TNFRSF10B: variants seen among roughly 807,000 people sequenced by gnomAD.
TNFRSF10B encodes the protein TNF receptor superfamily member 10b, also known as tumor necrosis factor receptor superfamily member 10B.
TNFRSF10B carries 35 observed loss-of-function variants against 41.4 expected under a neutral mutation model. The observed-to-expected ratio is 0.85, with a 90% CI of 0.65 to 1.12. The LOEUF is 1.12. TNFRSF10B is among the 50% of genes most tolerant of loss of function. The probability of loss-of-function intolerance (pLI) is 0.00; values close to 1 mark genes in which losing one functional copy is unlikely to be tolerated. For synonymous variants in TNFRSF10B, 230 were observed against 215.5 expected (o/e 1.07, Z -0.59); for missense variants, 584 against 552.7 (o/e 1.06, Z -0.57).
chr8:23,046,862 G>T (rs554374637), intron 1 of TNFRSF10B, among the ~76,000 whole-genome samples: 2 of 152,138 alleles, frequency 1.3e-5, no homozygotes, highest in African/African-American at 4.8e-5. Flanking sequence ...GGAAAAAAAA[G>T]TCTCCACAAT....
At chr8:23,032,342 C>G (rs557911281) in intron 2 of TNFRSF10B, among the ~76,000 whole-genome samples, 103 of 152,296 alleles carry the variant, frequency 6.8e-4, no homozygotes, top group Non-Finnish European at 1.2e-3. Flanking sequence ...AATTAAAGCT[C>G]ACACCATCAG....
chr8:23,035,852 G>A (rs1450747628), intron 2 of TNFRSF10B, among the ~76,000 whole-genome samples: 3 of 152,146 alleles, frequency 2.0e-5, no homozygotes, highest in Non-Finnish European at 4.4e-5. Flanking sequence ...TATTTATCAA[G>A]TCACCTAAAA....
At chr8:23,030,509 T>C (rs1481513161) in intron 3 of TNFRSF10B, among the ~76,000 whole-genome samples, 3 of 151,950 alleles carry the variant, frequency 2.0e-5, no homozygotes, top group African/African-American at 7.3e-5. Context: ...ACGGGGTTTC[T>C]CATGTTGCCC....
rs2128810074 is a variant in TNFRSF10B at position 23,020,929 on chromosome 8, G to A, written c.*1742C>T. 2.2e-6 allele frequency: 1 copy of A among 454,084 alleles called. No individual in the cohort carries two copies. Among genetic ancestry groups the A allele is most frequent in the African/African-American group, 2.0e-5 (1 of 50,096 alleles). The allele number at this position is 454,084 out of a possible 1,614,324, so 28.1% of individuals were successfully genotyped here. ...AACGCGTGGGATGCCAGATGGAAGT[G>A]GGAGAGGATGGAAGTGCAAAGACCA... On this transcript the variant is annotated 3_prime_UTR_variant, in exon 9 of 9. Transcript: ENST00000276431.
chr8:23,021,434 A>G lies in TNFRSF10B; in HGVS notation c.*1237T>C, dbSNP rs749512892. On this transcript the variant is annotated 3_prime_UTR_variant, in exon 9 of 9. Coordinates refer to ENST00000276431, the MANE Select transcript of TNFRSF10B (RefSeq NM_003842.5). Reference sequence around the variant, plus strand: ...CAACCATTTCACACCATTCTCAAGCACCATCTACTCTTCCCCCTTGATGCC... The same window carrying G: ...CAACCATTTCACACCATTCTCAAGCGCCATCTACTCTTCCCCCTTGATGCC... The G allele has an allele frequency of 2.2e-6, 1 of 454,140 alleles. No individual in the cohort carries two copies. Among genetic ancestry groups the G allele is most frequent in the South Asian group, 1.6e-5 (1 of 64,478 alleles). 28.1% of individuals were successfully genotyped at this position (454,140 alleles called of 1,614,324 possible).
In TNFRSF10B at chr8:23,028,259, T is replaced by C. The variant is rs1340439159; in HGVS notation, c.748+72A>G. On this transcript the variant is annotated intron_variant, in intron 5 of 8. Coordinates refer to ENST00000276431, the MANE Select transcript of TNFRSF10B (RefSeq NM_003842.5). ...GACTTGGGGCAGGGGCAGGCGTTTC[T>C]GTCTGTGGGAATAGGGTGGGAGGGG... 1.9e-6 allele frequency: 3 copies of C among 1,606,648 alleles called. No homozygotes were observed. In the East Asian group the frequency reaches 6.7e-5, roughly 36 times the overall value.
rs902022409 is a variant in TNFRSF10B, at chr8:23,022,057, G to A, written c.*614C>T. The A allele has an allele frequency of 2.7e-5, 12 of 444,086 alleles. No individual in the cohort carries two copies. The East Asian group carries it at 2.8e-4, about 10-fold the overall frequency. The allele number at this position is 444,086 out of a possible 1,614,324, so 27.5% of individuals were successfully genotyped here. A position where few individuals can be genotyped will look rare whatever the true frequency, so the allele number is the denominator to read the frequency against. ...GCAGACTGCTTGAGTCCAGGAATTC[G>A]AGACCACCCTGAGCAACATAGAGAG... On this transcript the variant is annotated 3_prime_UTR_variant, in exon 9 of 9. Transcript: ENST00000276431.
At chr8:23,024,624 A>G (rs937351906) in intron 7 of TNFRSF10B, among the ~76,000 whole-genome samples, 2 of 151,594 alleles carry the variant, frequency 1.3e-5, no homozygotes, top group Non-Finnish European at 2.9e-5. Context: ...GGTTCAAGAG[A>G]TTCTCCTGCC....
At chr8:23,055,968 C>T (rs111638197) in intron 1 of TNFRSF10B, among the ~76,000 whole-genome samples, 98 of 152,216 alleles carry the variant, frequency 6.4e-4, no homozygotes, top group African/African-American at 2.1e-3. Flanking sequence ...GTTGGTCTGG[C>T]GATAATTTCC....
intron 7 of TNFRSF10B, among the ~76,000 whole-genome samples, chr8:23,024,887 A>G (rs1811656378): frequency 6.6e-6 from 1 of 151,074 alleles, no homozygotes; most frequent in South Asian, 2.2e-4. Context: ...CACACCTGTA[A>G]TCCCAGCACT....
chr8:23,027,732 C>T lies in TNFRSF10B; in HGVS notation c.770G>A (p.Arg257His), dbSNP rs185830763. Residue 257 changes from arginine to histidine, a missense_variant, in exon 6 of 9, where the codon CGT becomes CAT. Transcript: ENST00000276431. ...GAGAAATCAACTCACTCTGTCCACA[C>T]GCTCAGGGTCCCCACCACCACCTAA... is the stretch of plus-strand genomic sequence containing the variant. ...ICSGGGGDPE[R>H]VDRSSQRPGA... 29 of 1,614,104 alleles carry T rather than the reference C, an allele frequency of 1.8e-5. No individual in the cohort carries two copies. In the East Asian group the frequency reaches 3.1e-4, roughly 17 times the overall value.
At chr8:23,036,627 C>A (rs1812036729) in intron 2 of TNFRSF10B, among the ~76,000 whole-genome samples, 1 of 152,194 alleles carries the variant, frequency 6.6e-6, no homozygotes, top group South Asian at 2.1e-4. Context: ...AGTGGATCAC[C>A]TGAGGTCAGG....
In TNFRSF10B at chr8:23,045,328, C is replaced by T. The variant is rs1236812758; in HGVS notation, c.145-2085G>A. Among the ~76,000 whole-genome samples the T allele has an allele frequency of 2.0e-5, 3 of 152,080 alleles. No individual in the cohort carries two copies. The East Asian group carries it at 5.8e-4, about 29-fold the overall frequency. On this transcript the variant is annotated intron_variant, in intron 1 of 8. Transcript: ENST00000276431. ...ACAATTATATGCCAAAGGATTGAAC[C>T]ACCCGGAAGAAATGGATAAATTTCT... is the stretch of plus-strand genomic sequence containing the variant.
chr8:23,057,518 C>T (rs559737525), intron 1 of TNFRSF10B, among the ~76,000 whole-genome samples: 257 of 151,054 alleles, frequency 1.7e-3, no homozygotes, highest in Non-Finnish European at 2.3e-3. Context: ...CTGCAACCTC[C>T]GCCTCCTGGG....
At chr8:23,034,719 C>A (rs1353165333) in intron 2 of TNFRSF10B, among the ~76,000 whole-genome samples, 1 of 152,228 alleles carries the variant, frequency 6.6e-6, no homozygotes, top group African/African-American at 2.4e-5. Context: ...GAGTGATACC[C>A]TGCCTGTAAA....
At chr8:23,036,455 C>G (rs73672972) in intron 2 of TNFRSF10B, among the ~76,000 whole-genome samples, 14,658 of 152,206 alleles carry the variant, frequency 0.096, 858 homozygotes, top group East Asian at 0.17. Context: ...AGAAGGTTTA[C>G]AGATGGTTCT....
At chr8:23,055,888 T>A (rs1248310680) in intron 1 of TNFRSF10B, among the ~76,000 whole-genome samples, 1 of 152,232 alleles carries the variant, frequency 6.6e-6, no homozygotes, top group African/African-American at 2.4e-5. Flanking sequence ...TGTCTTTAGA[T>A]GAATGCACAC....
At chr8:23,041,084 G>T (rs1395651373) in intron 2 of TNFRSF10B, among the ~76,000 whole-genome samples, 1 of 148,074 alleles carries the variant, frequency 6.8e-6, no homozygotes, top group Admixed American at 6.7e-5. Context: ...TTTGAGACAG[G>T]GTCTCACTCT....
At chr8:23,024,105 C>T (rs1811627938) in intron 8 of TNFRSF10B, 83 bp downstream of exon 8, 4 of 1,558,208 alleles carry the variant, frequency 2.6e-6, no homozygotes, top group African/African-American at 2.7e-5. Flanking sequence ...TCTGGAAGAG[C>T]CCTCTGACCT....
Sources: allele counts gnomAD v4.1 joint callset (sites outside exome capture counted in the v4.1 genomes callset), GRCh38; gene constraint gnomAD v4.1.1; transcripts MANE v1.5; gene names NCBI Gene and HGNC (gene_info 2026-07-23, HGNC 2026-07-21).